Variants in LCOR observed in about 807,000 individuals in gnomAD.
The protein encoded by LCOR is ligand-dependent corepressor.
In LCOR, 14 loss-of-function variants were observed where a neutral mutation model predicts 64.4. That is an observed-to-expected ratio of 0.22 (90% CI 0.14 to 0.34). LCOR has a LOEUF of 0.34. Among genes scored for constraint, LCOR ranks in the 10% least tolerant of loss-of-function variants. LCOR has a pLI of 1.00. For missense variants in LCOR, 1,686 were observed against 1,765.3 expected (o/e 0.96, Z 0.80); for synonymous variants, 643 against 642.5 (o/e 1.00, Z -0.01).
chr10:96,842,803 GT>G lies in LCOR; in HGVS notation c.-330+9332del, dbSNP rs965377315. Among the ~76,000 whole-genome samples, 10 of 150,992 alleles carry G rather than the reference GT, an allele frequency of 6.6e-5. No individual in the cohort carries two copies. The South Asian group carries it at 1.7e-3, about 25-fold the overall frequency. On this transcript the variant is annotated intron_variant, in intron 2 of 7. Coordinates refer to ENST00000421806, the MANE Select transcript of LCOR (RefSeq NM_001346516.2). ...ATGCCACCACAGCCCACTAGTTCTT[GT>G]TTTTTTTGGTAGAGAGGGGTTTTAC... is the stretch of plus-strand genomic sequence containing the variant.
At chr10:96,937,205 G>GT (rs1249296048) in intron 4 of LCOR, among the ~76,000 whole-genome samples, 1 of 152,190 alleles carries the variant, frequency 6.6e-6, no homozygotes, top group African/African-American at 2.4e-5. Context: ...AGAGATTGGA[G>GT]TTACACTGCC....
chr10:96,946,247 T>G (rs1413528484), intron 5 of LCOR, among the ~76,000 whole-genome samples: 2 of 152,240 alleles, frequency 1.3e-5, no homozygotes, highest in South Asian at 2.1e-4. Flanking sequence ...CATTTTAGTC[T>G]GAAGAGAATC....
At chr10:96,868,957 G>A (rs1036838725) in intron 2 of LCOR, among the ~76,000 whole-genome samples, 1 of 152,154 alleles carries the variant, frequency 6.6e-6, no homozygotes, top group Non-Finnish European at 1.5e-5. Context: ...CTAGGCTGGA[G>A]TACAGTGGTA....
rs1293585031 is a variant in LCOR at position 96,850,752 on chromosome 10, A to T, written c.-330+17273A>T. Among the ~76,000 whole-genome samples, 3 of 152,304 alleles carry T rather than the reference A, an allele frequency of 2.0e-5. No homozygotes were observed. In the East Asian group the frequency reaches 5.8e-4, roughly 29 times the overall value. ...CATGAGCGACTGTGCTGGGCTTACTAAATTTTAAAAGATTTGTGTTGAACC... is the reference window on the plus strand; with the variant it reads ...CATGAGCGACTGTGCTGGGCTTACTTAATTTTAAAAGATTTGTGTTGAACC... On this transcript the variant is annotated intron_variant, in intron 2 of 7. Coordinates refer to ENST00000421806, the MANE Select transcript of LCOR (RefSeq NM_001346516.2).
At chr10:96,863,388 G>C in intron 2 of LCOR, among the ~76,000 whole-genome samples, 1 of 151,382 alleles carries the variant, frequency 6.6e-6, no homozygotes, top group South Asian at 2.1e-4. Flanking sequence ...AGTTTTAGTA[G>C]AGACGGGGTT....
chr10:96,958,418 A>C, intron 7 of LCOR: 1 of 1,449,842 alleles, frequency 6.9e-7, no homozygotes, highest in South Asian at 1.2e-5. Flanking sequence ...TCAGTGGATG[A>C]CAATCGAGCA....
chr10:96,920,501 T>C (rs1008121203), intron 4 of LCOR, among the ~76,000 whole-genome samples: 2 of 143,386 alleles, frequency 1.4e-5, no homozygotes, highest in Admixed American at 7.0e-5. Context: ...TATATGTGTA[T>C]ATATGTATGT....
intron 1 of LCOR, chr10:96,833,139 G>C (rs1845375479): frequency 4.1e-6 from 4 of 985,458 alleles, no homozygotes; most frequent in Non-Finnish European, 4.8e-6. Flanking sequence ...ATTTGTGTTC[G>C]GTGTCGTGCT....
At chr10:96,917,202 C>A (rs563624448) in intron 4 of LCOR, among the ~76,000 whole-genome samples, 1 of 152,264 alleles carries the variant, frequency 6.6e-6, no homozygotes, top group African/African-American at 2.4e-5. Context: ...CTGCTCTGTT[C>A]AGTTTTATGT....
In LCOR at chr10:96,985,019, C is replaced by G. The variant is rs373332570; in HGVS notation, c.4559C>G (p.Thr1520Ser). The part of the protein sequence containing the change: ...ATNRKQSSGK[T>S]RARPSTKTPE... ...AATAGGAAGCAGAGTAGTGGAAAGACTCGGGCCAGACCCTCAACGAAAACC... is the reference window on the plus strand; with the variant it reads ...AATAGGAAGCAGAGTAGTGGAAAGAGTCGGGCCAGACCCTCAACGAAAACC... The change falls in exon 8 of 8, where the codon ACT becomes AGT. Residue 1520 changes from threonine to serine, a missense_variant. Thr to Ser is a moderately conservative substitution (Grantham distance 58). Around this residue, in one of 3 missense-constraint regions of LCOR, gnomAD observed 1,293 missense variants for 1,410.4 expected, o/e 0.92. Coordinates refer to ENST00000421806, the MANE Select transcript of LCOR (RefSeq NM_001346516.2). 1.2e-6 allele frequency: 2 copies of G among 1,614,180 alleles called. No individual in the cohort carries two copies. Among genetic ancestry groups the G allele is most frequent in the Non-Finnish European group, 1.7e-6 (2 of 1,180,038 alleles).
At chr10:96,893,581 G>A (rs929723655) in intron 2 of LCOR, among the ~76,000 whole-genome samples, 3 of 151,998 alleles carry the variant, frequency 2.0e-5, no homozygotes, top group Admixed American at 6.6e-5. Context: ...TGGCCAATAT[G>A]GCGAAACCCG....
intron 2 of LCOR, among the ~76,000 whole-genome samples, chr10:96,863,192 T>A (rs1472395265): frequency 6.9e-6 from 1 of 145,294 alleles, no homozygotes; most frequent in Non-Finnish European, 1.5e-5. Context: ...CGAAGTAATA[T>A]GTTTTCTTTT....
At chr10:96,944,617 C>A (rs536151404) in intron 5 of LCOR, among the ~76,000 whole-genome samples, 29 of 145,778 alleles carry the variant, frequency 2.0e-4, no homozygotes, top group African/African-American at 7.3e-4. Flanking sequence ...TTAGTAATTT[C>A]AACGTGAAAT....
chr10:96,873,315 G>T (rs1846103315), intron 2 of LCOR, among the ~76,000 whole-genome samples: 1 of 152,006 alleles, frequency 6.6e-6, no homozygotes, highest in South Asian at 2.1e-4. Flanking sequence ...TAAGTCATTG[G>T]GATCTTTTTA....
At chr10:96,967,126 G>C (rs1847959129) in intron 7 of LCOR, among the ~76,000 whole-genome samples, 1 of 152,144 alleles carries the variant, frequency 6.6e-6, no homozygotes, top group African/African-American at 2.4e-5. Context: ...AGTATGGAGT[G>C]ATAATGGTTT....
intron 2 of LCOR, among the ~76,000 whole-genome samples, chr10:96,884,527 G>A (rs1846311629): frequency 6.6e-6 from 1 of 152,174 alleles, no homozygotes; most frequent in Non-Finnish European, 1.5e-5. Context: ...TTCTGCACCT[G>A]GGGGTGCAGT....
At chr10:96,923,735 T>A (rs984388755) in intron 4 of LCOR, among the ~76,000 whole-genome samples, 1 of 152,238 alleles carries the variant, frequency 6.6e-6, no homozygotes, top group African/African-American at 2.4e-5. Context: ...TTCAGTGATA[T>A]CTTTGCTATT....
rs1415396063 is a variant in LCOR at position 96,896,763 on chromosome 10, CACACTG to C, written c.-329-10500_-329-10495del. On this transcript the variant is annotated intron_variant, in intron 2 of 7. Coordinates refer to ENST00000421806, the MANE Select transcript of LCOR (RefSeq NM_001346516.2). The stretch of plus-strand genomic sequence containing the variant: ...AACAATCTAGAGTTATTGAGATCCA[CACACTG>C]AAGATAGTAAATGAATCTCCTAATA... Among the ~76,000 whole-genome samples the C allele has an allele frequency of 3.9e-5, 6 of 152,090 alleles. No homozygotes were observed. In the South Asian group the frequency reaches 1.0e-3, roughly 26 times the overall value.
chr10:96,925,031 C>T (rs571498426), intron 4 of LCOR, among the ~76,000 whole-genome samples: 3 of 151,970 alleles, frequency 2.0e-5, no homozygotes, highest in South Asian at 2.1e-4. Context: ...AATGGTTCCT[C>T]AACCATTTAT....
Sources: allele counts gnomAD v4.1 joint callset (sites outside exome capture counted in the v4.1 genomes callset), GRCh38; gene constraint gnomAD v4.1.1; regional missense constraint gnomAD v4.1.1; transcripts MANE v1.5; gene names NCBI Gene and HGNC (gene_info 2026-07-23, HGNC 2026-07-21).